FBXO34: variants seen among roughly 807,000 people sequenced by gnomAD.
FBXO34 encodes the protein F-box only protein 34.
FBXO34 carries 12 observed loss-of-function variants against 24.5 expected under a neutral mutation model. That is an observed-to-expected ratio of 0.49 (90% CI 0.31 to 0.79). FBXO34 has a LOEUF of 0.79. FBXO34 is among the 30% of genes least tolerant of loss of function. The probability of loss-of-function intolerance (pLI) is 0.04; values close to 1 mark genes in which losing one functional copy is unlikely to be tolerated. For missense variants in FBXO34, 823 were observed against 857.7 expected (o/e 0.96, Z 0.51); for synonymous variants, 320 against 311.9 (o/e 1.03, Z -0.27).
the FBXO34 span, among the ~76,000 whole-genome samples, chr14:55,420,798 T>G: frequency 2.0e-5 from 3 of 152,010 alleles, no homozygotes; most frequent in Non-Finnish European, 4.4e-5. Flanking sequence ...GGTGGCTCAC[T>G]CCTGTAATCC....
downstream of FBXO34, among the ~76,000 whole-genome samples, chr14:55,364,572 GCAC>G (rs1376996794): frequency 4.6e-5 from 7 of 151,858 alleles, no homozygotes; most frequent in South Asian, 8.3e-4. Flanking sequence ...TTACAGGCAT[GCAC>G]CACGACACCT....
intron 1 of FBXO34, among the ~76,000 whole-genome samples, chr14:55,338,067 T>TTTTTTTTTTTTTTTTTTTTTTTTTTTTTG (rs1883850708): frequency 7.0e-6 from 1 of 142,758 alleles, no homozygotes; most frequent in African/African-American, 2.7e-5. Context: ...TTTTTTTTTT[T>TTTTTTTTTTTTTTTTTTTTTTTTTTTTTG]GAGATGGAGT....
chr14:55,369,796 G>T, downstream of FBXO34: 1 of 1,614,208 alleles, frequency 6.2e-7, no homozygotes, highest in Non-Finnish European at 8.5e-7. Context: ...AGTTCTCCCA[G>T]TCTGTGCCCA....
chr14:55,372,624 TTTC>T (rs1884844964), downstream of FBXO34, among the ~76,000 whole-genome samples: 1 of 150,540 alleles, frequency 6.6e-6, no homozygotes, highest in African/African-American at 2.4e-5. Context: ...CCTCCCTTCC[TTTC>T]TTCCCCAGTC....
At chr14:55,293,247 C>T (rs540104029) in intron 1 of FBXO34, among the ~76,000 whole-genome samples, 2 of 152,148 alleles carry the variant, frequency 1.3e-5, no homozygotes, top group East Asian at 3.9e-4. Context: ...GGCACAATCT[C>T]GGCTCACTGC....
chr14:55,385,270 C>A, the FBXO34 span, among the ~76,000 whole-genome samples: 1 of 152,080 alleles, frequency 6.6e-6, no homozygotes, highest in Non-Finnish European at 1.5e-5. Flanking sequence ...CCCAATACCA[C>A]CCATCAGATG....
chr14:55,411,933 G>A, the FBXO34 span: 2 of 1,007,488 alleles, frequency 2.0e-6, no homozygotes, highest in East Asian at 2.6e-5. Flanking sequence ...CGAGCCCCCG[G>A]ACCCCTCCGC....
At chr14:55,396,817 G>A in the FBXO34 span, among the ~76,000 whole-genome samples, 1 of 152,168 alleles carries the variant, frequency 6.6e-6, no homozygotes, top group South Asian at 2.1e-4. Flanking sequence ...CATCAGGGGT[G>A]CCTGTTAATA....
the FBXO34 span, among the ~76,000 whole-genome samples, chr14:55,421,623 C>T: frequency 6.6e-6 from 1 of 152,112 alleles, no homozygotes; most frequent in African/African-American, 2.4e-5. Context: ...GCCACCATGC[C>T]CAGCTAATTT....
intron 1 of FBXO34, among the ~76,000 whole-genome samples, chr14:55,328,007 C>T (rs946649619): frequency 1.4e-5 from 2 of 141,390 alleles, no homozygotes; most frequent in Non-Finnish European, 3.0e-5. Flanking sequence ...TCACTGGAGC[C>T]TCCGCCTCCT....
intron 1 of FBXO34, chr14:55,335,186 G>A (rs990846496): frequency 3.9e-5 from 6 of 152,226 alleles, no homozygotes; most frequent in Non-Finnish European, 8.8e-5. Context: ...TCAGATTGAA[G>A]ATGTAGGGGA....
intron 1 of FBXO34, among the ~76,000 whole-genome samples, chr14:55,312,758 G>T (rs763016931): frequency 6.6e-6 from 1 of 152,196 alleles, no homozygotes; most frequent in African/African-American, 2.4e-5. Flanking sequence ...GTGGGGATGC[G>T]GGGCACCAAG....
At chr14:55,335,739 A>G (rs922737087) in intron 1 of FBXO34, among the ~76,000 whole-genome samples, 17 of 152,184 alleles carry the variant, frequency 1.1e-4, no homozygotes, top group Admixed American at 3.9e-4. Flanking sequence ...CTTTTAATCA[A>G]TCAGTTTCCA....
rs767289548 is a variant in FBXO34, at chr14:55,350,968, G to T, written c.578G>T (p.Ser193Ile). 1.5e-5 allele frequency: 24 copies of T among 1,614,114 alleles called. No individual in the cohort carries two copies. The highest frequency in any genetic ancestry group is 1.9e-5 in the Non-Finnish European group (23 of 1,180,052). The stretch of plus-strand genomic sequence containing the variant: ...GAGCACTGTTCTGTGCACTATGTGA[G>T]TGACAGTGGGGATGGAGTCTATGCT... ...GIEHCSVHYV[S>I]DSGDGVYAGR... is the part of the protein sequence containing the mutation. Residue 193 changes from serine (S) to isoleucine (I), a missense_variant, in exon 2 of 2, where the codon AGT becomes ATT. This residue lies in a region of FBXO34 where 693 missense variants were observed against 659.1 expected (regional missense o/e 1.05). Transcript: ENST00000313833.
chr14:55,365,718 C>T (rs995446206), downstream of FBXO34, among the ~76,000 whole-genome samples: 28 of 152,250 alleles, frequency 1.8e-4, no homozygotes, highest in South Asian at 1.0e-3. Context: ...ACACCCTGTT[C>T]GAGAACCCTT....
chr14:55,389,895 A>C, the FBXO34 span, among the ~76,000 whole-genome samples: 1 of 149,094 alleles, frequency 6.7e-6, no homozygotes, highest in East Asian at 1.9e-4. Flanking sequence ...ATCTATGATA[A>C]AGTATAAAGT....
At chr14:55,410,781 G>T in the FBXO34 span, among the ~76,000 whole-genome samples, 114 of 152,284 alleles carry the variant, frequency 7.5e-4, no homozygotes, top group Non-Finnish European at 1.6e-4. Context: ...ATTAATACCT[G>T]AATTTTTGTG....
intron 1 of FBXO34, among the ~76,000 whole-genome samples, chr14:55,307,665 CCTA>C (rs1270059364): frequency 9.9e-5 from 15 of 152,060 alleles, no homozygotes; most frequent in African/African-American, 3.6e-4. Context: ...TTTTTTGTGT[CCTA>C]CTTGATTCTG....
intron 1 of FBXO34, among the ~76,000 whole-genome samples, chr14:55,295,208 T>G (rs1882077173): frequency 6.6e-6 from 1 of 152,152 alleles, no homozygotes; most frequent in African/African-American, 2.4e-5. Context: ...TTGAATGTGT[T>G]CCATAGTGTC....
Sources: gnomAD v4.1 joint callset for allele counts (sites outside exome capture counted in the v4.1 genomes callset) on GRCh38, gnomAD v4.1.1 for gene constraint, gnomAD v4.1.1 regional missense constraint, MANE v1.5 for transcripts, NCBI Gene and HGNC (gene_info 2026-07-23, HGNC 2026-07-21) for gene names.